The following GABRA2 variants were observed in gnomAD, a reference collection of about 807,000 sequenced individuals.
The protein encoded by GABRA2 is gamma-aminobutyric acid type A receptor subunit alpha2.
A neutral mutation model predicts 48.7 loss-of-function variants in GABRA2; 16 were observed. The observed-to-expected ratio is 0.33, with a 90% CI of 0.22 to 0.50. GABRA2 has a LOEUF of 0.50. Ranked by LOEUF, GABRA2 falls within the 20% of genes least tolerant of loss-of-function variation. The probability of loss-of-function intolerance (pLI) is 0.98; values close to 1 mark genes in which losing one functional copy is unlikely to be tolerated. For missense variants in GABRA2, 275 were observed against 535.6 expected (o/e 0.51, Z 4.80); for synonymous variants, 185 against 184.5 (o/e 1.00, Z -0.02).
intron 8 of GABRA2, among the ~76,000 whole-genome samples, chr4:46,298,404 T>C (rs916073553): frequency 1.3e-5 from 2 of 152,052 alleles, no homozygotes; most frequent in African/African-American, 2.4e-5. Context: ...GTTCTGTATA[T>C]GCATGGGTGT....
intron 4 of GABRA2, among the ~76,000 whole-genome samples, chr4:46,315,623 A>C (rs1163985892): frequency 6.6e-6 from 1 of 151,976 alleles, no homozygotes; most frequent in Admixed American, 6.6e-5. Context: ...AGAGCCCTTC[A>C]TTCTTTCAAG....
At chr4:46,250,657 A>C in intron 9 of GABRA2, 53 bp from the exon 10 acceptor site, 1 of 1,363,302 alleles carries the variant, frequency 7.3e-7, no homozygotes, top group Non-Finnish European at 1.0e-6. Flanking sequence ...GCTACTTAAC[A>C]TTTTCTAAAG....
chr4:46,326,357 G>A (rs1424942018), intron 4 of GABRA2, among the ~76,000 whole-genome samples: 1 of 151,762 alleles, frequency 6.6e-6, no homozygotes, highest in African/African-American at 2.4e-5. Context: ...CAAAACACAC[G>A]GGTTCATACA....
At chr4:46,272,220 TG>T (rs112609491) in intron 8 of GABRA2, among the ~76,000 whole-genome samples, 1,863 of 152,004 alleles carry the variant, frequency 0.012, 44 homozygotes, top group African/African-American at 0.043. Flanking sequence ...TTCAATTTTT[TG>T]TTATTTGGCA....
chr4:46,382,177 TAC>T lies in GABRA2; in HGVS notation c.187+3895_187+3896del, dbSNP rs36024364. On this transcript the variant is annotated intron_variant, in intron 3 of 9. Transcript: ENST00000381620. ...TAAATTATATATATATACACAAACATACACACACACACACACATATATATATA... is the reference window on the plus strand; with the variant it reads ...TAAATTATATATATATACACAAACATACACACACACACACATATATATATA... Among the ~76,000 whole-genome samples, 36 of 140,830 alleles carry T rather than the reference TAC, an allele frequency of 2.6e-4. No individual in the cohort carries two copies. In the South Asian group the frequency reaches 2.8e-3, roughly 11 times the overall value. 92.4% of individuals were successfully genotyped at this position (140,830 alleles called of 152,430 possible).
chr4:46,332,773 T>G, intron 3 of GABRA2, 91 bp from the exon 4 acceptor site: 1 of 748,266 alleles, frequency 1.3e-6, no homozygotes. Context: ...GTTTGAAAGC[T>G]GTGTCACAAA....
Position 46,386,289 on chromosome 4 carries a change from C to T in GABRA2, c.72-100G>A, listed in dbSNP as rs1482228029. ...AATTTAAATTTTAACACTCCCTGAG[C>T]TATTAGTACCACCCGTTTTCCTCCT... On this transcript the variant is annotated intron_variant, in intron 2 of 9. Transcript: ENST00000381620. 3 of 663,830 alleles carry T rather than the reference C, an allele frequency of 4.5e-6. No individual in the cohort carries two copies. In the African/African-American group the frequency reaches 5.9e-5, roughly 13 times the overall value. The allele number at this position is 663,830 out of a possible 1,614,324, so 41.1% of individuals were successfully genotyped here. A position where few individuals can be genotyped will look rare whatever the true frequency, so the allele number is the denominator to read the frequency against.
chr4:46,309,182 A>T (rs1167030604), intron 6 of GABRA2, among the ~76,000 whole-genome samples: 1 of 152,170 alleles, frequency 6.6e-6, no homozygotes. Context: ...AACAAACAAG[A>T]TTGCAGTTCT....
intron 3 of GABRA2, among the ~76,000 whole-genome samples, chr4:46,378,304 T>C (rs1174416475): frequency 6.6e-6 from 1 of 151,610 alleles, no homozygotes; most frequent in African/African-American, 2.4e-5. Context: ...TTTCATTTTG[T>C]TCTGTACTAA....
chr4:46,312,531 T>G lies in GABRA2; in HGVS notation c.441A>C (p.Arg147=), dbSNP rs144274877. ...HNMTMPNKLL[R]IQDDGTLLYT... is the part of the protein sequence containing the mutation. ...ACAGCAGAGTCCCATCATCCTGAAT[T>G]CGAAGCAACTTATTTGGCATTGTCA... The change falls in exon 5 of 10, where the codon CGA becomes CGC. Residue 147 remains arginine (R), a synonymous_variant. Coordinates refer to ENST00000381620, the MANE Select transcript of GABRA2 (RefSeq NM_000807.4). 19 of 1,607,280 alleles carry G rather than the reference T, an allele frequency of 1.2e-5. No homozygotes were observed. Among genetic ancestry groups the G allele is most frequent in the Middle Eastern group, 3.3e-4 (2 of 6,054 alleles).
At chr4:46,321,768 T>C (rs1729490679) in intron 4 of GABRA2, among the ~76,000 whole-genome samples, 1 of 151,998 alleles carries the variant, frequency 6.6e-6, no homozygotes, top group Non-Finnish European at 1.5e-5. Flanking sequence ...TAGTCTGGCA[T>C]AAATCATCTT....
At chr4:46,353,832 C>T (rs546251514) in intron 3 of GABRA2, among the ~76,000 whole-genome samples, 8 of 152,142 alleles carry the variant, frequency 5.3e-5, no homozygotes, top group South Asian at 2.1e-4. Context: ...TTATTTTCTC[C>T]GTAGCATTCG....
intron 9 of GABRA2, chr4:46,261,130 A>G (rs1251203111): frequency 6.6e-6 from 1 of 152,056 alleles, no homozygotes; most frequent in Non-Finnish European, 1.5e-5. Context: ...AGGCAGATAC[A>G]TAATCTACAG....
chr4:46,296,813 G>A lies in GABRA2; in HGVS notation c.856+6647C>T, dbSNP rs80243342. ...AATTGTCATGACCATTTCCTCTTTCGTTTGTTAAAAATGTTTGTGCATGTA... is the reference window on the plus strand; with the variant it reads ...AATTGTCATGACCATTTCCTCTTTCATTTGTTAAAAATGTTTGTGCATGTA... On this transcript the variant is annotated intron_variant, in intron 8 of 9. Coordinates refer to ENST00000381620, the MANE Select transcript of GABRA2 (RefSeq NM_000807.4). Among the ~76,000 whole-genome samples, 1,508 of 152,172 alleles carry A rather than the reference G, an allele frequency of 9.9e-3. 25 individuals are homozygous for A. Among genetic ancestry groups the A allele is most frequent in the African/African-American group, 0.035 (1,441 of 41,506 alleles).
At chr4:46,330,583 TATATATATAGAG>T (rs1210612051) in intron 4 of GABRA2, among the ~76,000 whole-genome samples, 2 of 108,134 alleles carry the variant, frequency 1.8e-5, no homozygotes, top group South Asian at 2.9e-4. Flanking sequence ...TATATATATA[TATATATATAGAG>T]AGAGAGAGAG....
intron 3 of GABRA2, among the ~76,000 whole-genome samples, chr4:46,340,253 AC>A (rs1732986947): frequency 6.6e-6 from 1 of 151,854 alleles, no homozygotes; most frequent in African/African-American, 2.4e-5. Context: ...TATAAAATAC[AC>A]CCTTCTAAAG....
chr4:46,305,257 C>T (rs1726463758), intron 7 of GABRA2, among the ~76,000 whole-genome samples: 1 of 95,806 alleles, frequency 1.0e-5, no homozygotes, highest in Admixed American at 1.7e-4. Context: ...ACACTGGGGC[C>T]TGTTGTGGGG....
In GABRA2 at chr4:46,279,649, C is replaced by T. The variant is rs115655258; in HGVS notation, c.857-17521G>A. ...TTCATACATTCAAATATATATTTCA[C>T]AGTAAAGTTTTACAGATTCATTATT... On this transcript the variant is annotated intron_variant, in intron 8 of 9. Coordinates refer to ENST00000381620, the MANE Select transcript of GABRA2 (RefSeq NM_000807.4). Among the ~76,000 whole-genome samples the T allele has an allele frequency of 4.9e-3, 744 of 152,074 alleles. 8 individuals carry two copies. The highest frequency in any genetic ancestry group is 0.017 in the African/African-American group (704 of 41,522).
At chr4:46,388,930 CTTTT>C in intron 1 of GABRA2, 1 of 881,288 alleles carries the variant, frequency 1.1e-6, no homozygotes, top group East Asian at 3.3e-5. Flanking sequence ...TTCTTTCTTT[CTTTT>C]TTTCTTTCTT....
Sources: gnomAD v4.1 joint callset for allele counts (sites outside exome capture counted in the v4.1 genomes callset) on GRCh38, gnomAD v4.1.1 for gene constraint, MANE v1.5 for transcripts, NCBI Gene and HGNC (gene_info 2026-07-23, HGNC 2026-07-21) for gene names.